Variants in MALRD1 observed in about 807,000 individuals in gnomAD.
MALRD1 encodes MAM and LDL receptor class A domain containing 1, also known as MAM and LDL-receptor class A domain-containing protein 1.
A neutral mutation model predicts 242.1 loss-of-function variants in MALRD1; 247 were observed. The ratio of observed to expected loss-of-function variants is 1.02; its 90% CI spans 0.92 to 1.13. The LOEUF is 1.13. Among genes scored for constraint, MALRD1 ranks in the 50% most tolerant of loss-of-function variants. The pLI is 0.00. For synonymous variants in MALRD1, 995 were observed against 866.6 expected, an observed-to-expected ratio of 1.15 and a Z score of -2.60; for missense variants, 2,989 against 2,533.1, an observed-to-expected ratio of 1.18 and a Z score of -3.86.
intron 21 of MALRD1, among the ~76,000 whole-genome samples, chr10:19,307,330 T>C (rs1243637326): frequency 2.6e-5 from 4 of 151,526 alleles, no homozygotes; most frequent in Non-Finnish European, 5.9e-5. Flanking sequence ...CTGCCTTATC[T>C]GTACCATATG....
intron 15 of MALRD1, 28 bp downstream of exon 15, chr10:19,203,908 C>T: frequency 6.5e-7 from 1 of 1,549,780 alleles, no homozygotes. Flanking sequence ...ACTCTACAAC[C>T]ACTGCTATTT....
intron 10 of MALRD1, among the ~76,000 whole-genome samples, chr10:19,139,565 G>T (rs1243505475): frequency 6.6e-6 from 1 of 152,122 alleles, no homozygotes. Context: ...TTGTCAGTTG[G>T]TATTCCACAG....
At chr10:19,347,648 G>A (rs1844190874) in intron 24 of MALRD1, 123 bp from the exon 25 acceptor site, 2 of 1,108,266 alleles carry the variant, frequency 1.8e-6, no homozygotes, top group Non-Finnish European at 1.3e-6. Context: ...GTTGCTATCA[G>A]GATAGCATTA....
chr10:19,209,302 C>A lies in MALRD1; in HGVS notation c.2613C>A (p.Ile871=). ...PELQCNFETG[I]CNWEQDAKDD... is the part of the protein sequence containing the mutation. ...TGCAGTGTAACTTTGAAACTGGAAT[C>A]TGTAACTGGGAACAAGATGCAAAAG... The change falls in exon 18 of 40, where the codon ATC becomes ATA. Residue 871 remains isoleucine, a synonymous_variant. Transcript: ENST00000454679. 2 of 1,546,740 alleles carry A rather than the reference C, an allele frequency of 1.3e-6. No homozygotes were observed. Among genetic ancestry groups the A allele is most frequent in the Non-Finnish European group, 1.7e-6 (2 of 1,145,552 alleles).
At chr10:19,626,332 C>A (rs1839650394) in intron 36 of MALRD1, among the ~76,000 whole-genome samples, 1 of 147,722 alleles carries the variant, frequency 6.8e-6, no homozygotes, top group Middle Eastern at 3.5e-3. Flanking sequence ...GGAGGTCTGC[C>A]AGGCCTTGGA....
intron 29 of MALRD1, among the ~76,000 whole-genome samples, chr10:19,482,240 C>G (rs1385063040): frequency 6.6e-6 from 1 of 151,978 alleles, no homozygotes; most frequent in African/African-American, 2.4e-5. Flanking sequence ...CCAGGTCTAA[C>G]TAGGGGTTAA....
intron 32 of MALRD1, among the ~76,000 whole-genome samples, chr10:19,534,638 C>T (rs1834572124): frequency 6.6e-6 from 1 of 152,004 alleles, no homozygotes; most frequent in Non-Finnish European, 1.5e-5. Context: ...ATAATGTTGA[C>T]ACCATAAAAC....
At chr10:19,231,570 A>G (rs952452472) in intron 18 of MALRD1, among the ~76,000 whole-genome samples, 1 of 152,094 alleles carries the variant, frequency 6.6e-6, no homozygotes, top group Non-Finnish European at 1.5e-5. Context: ...GTGGTAGTGA[A>G]TAAGTCTCAT....
At chr10:19,264,845 T>C (rs996404756) in intron 19 of MALRD1, among the ~76,000 whole-genome samples, 1 of 152,192 alleles carries the variant, frequency 6.6e-6, no homozygotes, top group Non-Finnish European at 1.5e-5. Flanking sequence ...CTTTAAATGT[T>C]TGGTGGAATT....
chr10:19,624,581 T>A (rs1264109705), intron 36 of MALRD1, among the ~76,000 whole-genome samples: 1 of 151,910 alleles, frequency 6.6e-6, no homozygotes, highest in Non-Finnish European at 1.5e-5. Context: ...TGAGGAGCAT[T>A]TAGGCCAGGC....
At chr10:19,548,678 A>G (rs1835353092) in intron 32 of MALRD1, among the ~76,000 whole-genome samples, 1 of 152,162 alleles carries the variant, frequency 6.6e-6, no homozygotes, top group African/African-American at 2.4e-5. Flanking sequence ...ATTGATAAAT[A>G]CTGTGTGTGT....
intron 26 of MALRD1, among the ~76,000 whole-genome samples, chr10:19,363,625 G>A (rs1844989459): frequency 6.6e-6 from 1 of 152,148 alleles, no homozygotes; most frequent in Admixed American, 6.6e-5. Flanking sequence ...CAAATTCTTA[G>A]AGAATGCCAG....
intron 19 of MALRD1, among the ~76,000 whole-genome samples, chr10:19,273,615 G>A (rs544141282): frequency 6.6e-5 from 10 of 152,298 alleles, no homozygotes; most frequent in South Asian, 2.1e-4. Flanking sequence ...CTAAGCAGAA[G>A]AAGCCAATAT....
rs559542907 is a variant in MALRD1, at chr10:19,088,055, G to A, written c.467G>A (p.Ser156Asn). The stretch of plus-strand genomic sequence containing the variant: ...TTTTATTACTTCTCCTGCCAAGTGA[G>A]TGGCAAATTAATGGTTGGGCTTCAA... ...ITFYYFSCQV[S>N]GKLMVGLQTA... The change falls in exon 4 of 40, where the codon AGT becomes AAT. Residue 156 changes from serine (S) to asparagine (N), a missense_variant. Ser to Asn is a conservative substitution (Grantham distance 46, BLOSUM62 1). Coordinates refer to ENST00000454679, the MANE Select transcript of MALRD1 (RefSeq NM_001142308.3). The A allele has an allele frequency of 8.1e-7, 1 of 1,233,550 alleles. No individual in the cohort carries two copies. Among genetic ancestry groups the A allele is most frequent in the Non-Finnish European group, 1.0e-6 (1 of 987,916 alleles). 76.4% of individuals were successfully genotyped at this position (1,233,550 alleles called of 1,614,324 possible).
intron 21 of MALRD1, among the ~76,000 whole-genome samples, chr10:19,302,775 A>T (rs938476728): frequency 6.6e-6 from 1 of 151,784 alleles, no homozygotes; most frequent in African/African-American, 2.4e-5. Context: ...TTACAACTCA[A>T]GGCTAATTTT....
At chr10:19,073,947 G>C (rs988684053) in intron 2 of MALRD1, among the ~76,000 whole-genome samples, 1 of 152,224 alleles carries the variant, frequency 6.6e-6, no homozygotes, top group Non-Finnish European at 1.5e-5. Context: ...AAGATGAGCA[G>C]TATTTCAATG....
intron 34 of MALRD1, among the ~76,000 whole-genome samples, chr10:19,602,664 T>A (rs1838416111): frequency 6.6e-6 from 1 of 152,124 alleles, no homozygotes; most frequent in African/African-American, 2.4e-5. Flanking sequence ...ATACGTGTGC[T>A]TGTGTCTCTA....
chr10:19,719,244 A>ATATG (rs1278887724), intron 38 of MALRD1, among the ~76,000 whole-genome samples: 31,574 of 96,804 alleles, frequency 0.33, 7,445 homozygotes, highest in South Asian at 0.43. Context: ...ATATATATAT[A>ATATG]TATATATATA....
intron 12 of MALRD1, among the ~76,000 whole-genome samples, chr10:19,165,267 T>TATATATATATATATATA (rs1564435240): frequency 9.3e-5 from 5 of 53,758 alleles, no homozygotes; most frequent in East Asian, 1.2e-3. Flanking sequence ...ATATATATAT[T>TATATATATATATATATA]TTGTTTTGTT....
Sources: allele counts gnomAD v4.1 joint callset (sites outside exome capture counted in the v4.1 genomes callset), GRCh38; gene constraint gnomAD v4.1.1; transcripts MANE v1.5; gene names NCBI Gene and HGNC (gene_info 2026-07-23, HGNC 2026-07-21).